Variants in LSS observed in about 807,000 individuals in gnomAD.
LSS encodes the protein 2,3-epoxysqualene-lanosterol cyclase.
LSS carries 90 observed loss-of-function variants against 110.3 expected under a neutral mutation model. The ratio of observed to expected loss-of-function variants is 0.82; its 90% CI spans 0.69 to 0.97. LSS has a LOEUF of 0.97. Ranked by LOEUF, LSS falls within the 50% of genes least tolerant of loss-of-function variation. The pLI is 0.00. For missense variants in LSS, 927 were observed against 990.0 expected, an observed-to-expected ratio of 0.94 and a Z score of 0.85; for synonymous variants, 433 against 400.0, an observed-to-expected ratio of 1.08 and a Z score of -0.98.
intron 15 of LSS, 91 bp from the exon 16 acceptor site, chr21:46,206,859 A>G (rs904945747): frequency 2.2e-6 from 2 of 920,610 alleles, no homozygotes. Context: ...AGGCAACACT[A>G]GGGCTGACAA....
intron 8 of LSS, 147 bp downstream of exon 8, chr21:46,215,538 G>A: frequency 1.6e-6 from 1 of 635,714 alleles, no homozygotes; most frequent in South Asian, 1.9e-5. Flanking sequence ...TCAGGGTGGA[G>A]GGGCAGGGCG....
Position 46,219,503 on chromosome 21 carries a change from C to G in LSS, c.620G>C (p.Gly207Ala), listed in dbSNP as rs149486257. Residue 207 changes from glycine (G) to alanine (A), a missense_variant, in exon 6 of 22, where the codon GGC becomes GCC. Gly to Ala is a moderately conservative substitution (Grantham distance 60). Coordinates refer to ENST00000397728, the MANE Select transcript of LSS (RefSeq NM_002340.6). ...LAVLNVYSWE[G>A]LNTLFPEMWL... ...CATCTCTGGGAACAGGGTATTGAGGCCTTCCCAGCTGTAAACATTCAGGAC... is the reference window on the plus strand; with the variant it reads ...CATCTCTGGGAACAGGGTATTGAGGGCTTCCCAGCTGTAAACATTCAGGAC... 1,055 of 1,601,772 alleles carry G rather than the reference C, an allele frequency of 6.6e-4. No individual in the cohort carries two copies. The highest frequency in any genetic ancestry group is 8.2e-4 in the Non-Finnish European group (966 of 1,174,220).
intron 1 of LSS, 38 bp downstream of exon 1, chr21:46,228,693 AC>A (rs1413567669): frequency 1.2e-6 from 2 of 1,601,602 alleles, no homozygotes; most frequent in Non-Finnish European, 1.7e-6. Flanking sequence ...ACCTAGGACC[AC>A]CCCGCATTCG....
rs1601404715 is a variant in LSS, at chr21:46,189,970, G to A, written c.*1134C>T. ...GCAAGCCAGACCAGACTGGGTCAGA[G>A]GCTAGAAGGGAGCTCACAGGATTGC... On this transcript the variant is annotated 3_prime_UTR_variant, in exon 22 of 22. Transcript: ENST00000397728. 1 of 317,140 alleles carries A rather than the reference G, an allele frequency of 3.2e-6. No individual in the cohort carries two copies. Among genetic ancestry groups the A allele is most frequent in the East Asian group, 1.1e-4 (1 of 9,476 alleles). 19.6% of individuals were successfully genotyped at this position (317,140 alleles called of 1,614,324 possible).
intron 5 of LSS, among the ~76,000 whole-genome samples, chr21:46,221,480 C>T (rs2080278757): frequency 6.6e-6 from 1 of 152,124 alleles, no homozygotes; most frequent in Non-Finnish European, 1.5e-5. Flanking sequence ...TTACTAGCCT[C>T]CAAGTAGCTG....
intron 5 of LSS, chr21:46,220,412 T>TA (rs1474393352): frequency 6.6e-6 from 1 of 151,944 alleles, no homozygotes; most frequent in African/African-American, 2.4e-5. Flanking sequence ...CCTGGCACGG[T>TA]AGGTCAGGAA....
Position 46,196,249 on chromosome 21 carries a change from G to T in LSS, c.1689C>A (p.Gly563=). ...AAEIRETLTQ[G]LEFCRRQQRA... ...TCTGCTGCCGCCGACAGAACTCTAAGCCCTGCGTGAGGGTCTCCCTGGAAC... is the reference window on the plus strand; with the variant it reads ...TCTGCTGCCGCCGACAGAACTCTAATCCCTGCGTGAGGGTCTCCCTGGAAC... The change falls in exon 18 of 22, where the codon GGC becomes GGA. Residue 563 remains glycine (G), a synonymous_variant. Transcript: ENST00000397728. The T allele has an allele frequency of 6.2e-7, 1 of 1,614,164 alleles. No homozygotes were observed. Among genetic ancestry groups the T allele is most frequent in the African/African-American group, 1.3e-5 (1 of 75,064 alleles).
Position 46,206,581 on chromosome 21 carries a change from G to A in LSS, c.1564+91C>T, listed in dbSNP as rs548723790. The A allele has an allele frequency of 1.1e-4, 124 of 1,120,698 alleles. No homozygotes were observed. In the African/African-American group the frequency reaches 1.4e-3, roughly 13 times the overall value. The allele number at this position is 1,120,698 out of a possible 1,614,324, so 69.4% of individuals were successfully genotyped here. A position where few individuals can be genotyped will look rare whatever the true frequency, so the allele number is the denominator to read the frequency against. ...GGTGAACCTGGGCCCTTGCAGCCTC[G>A]GGCAAGGGGGAAAAGCTGGCCCCCA... On this transcript the variant is annotated intron_variant, in intron 16 of 21. Transcript: ENST00000397728.
intron 17 of LSS, among the ~76,000 whole-genome samples, chr21:46,201,573 G>A (rs886473562): frequency 2.7e-4 from 41 of 151,830 alleles, no homozygotes; most frequent in Non-Finnish European, 5.4e-4. Flanking sequence ...CCTGGATCAT[G>A]TGGGAGGACA....
At chr21:46,220,600 G>C in intron 5 of LSS, 1 of 157,286 alleles carries the variant, frequency 6.4e-6, no homozygotes. Context: ...ACTGGCTACG[G>C]AAGGTCTGTG....
Position 46,205,918 on chromosome 21 carries a change from AG to A in LSS, c.1587del (p.Tyr530MetfsTer8). The A allele has an allele frequency of 6.2e-7, 1 of 1,610,138 alleles. No individual in the cohort carries two copies. The highest frequency in any genetic ancestry group is 8.5e-7 in the Non-Finnish European group (1 of 1,178,328). On this transcript the variant is annotated frameshift_variant, in exon 17 of 22. Coordinates refer to ENST00000397728, the MANE Select transcript of LSS (RefSeq NM_002340.6). LOFTEE classifies it high-confidence loss of function. Reference sequence around the variant, plus strand: ...ATCACGGCTGAGGTGCACTCCACATAGGTGTAGTCAATCATGATGTCCCCTG... The same window carrying A: ...ATCACGGCTGAGGTGCACTCCACATAGTGTAGTCAATCATGATGTCCCCTG... ...EVFGDIMIDY[T>X]YVECTSAVMQ...
intron 17 of LSS, 104 bp from the exon 18 acceptor site, chr21:46,196,371 T>TAAAAACCACATA (rs1173807036): frequency 1.3e-5 from 12 of 916,274 alleles, no homozygotes; most frequent in Non-Finnish European, 1.8e-5. Context: ...TGGTCTCCCT[T>TAAAAACCACATA]AAAAACCACA....
At chr21:46,223,642 G>A (rs192522588) in intron 3 of LSS, among the ~76,000 whole-genome samples, 71 of 152,332 alleles carry the variant, frequency 4.7e-4, no homozygotes, top group African/African-American at 1.7e-3. Flanking sequence ...TCATTAGTTT[G>A]TAGTAATTAC....
chr21:46,202,480 C>T (rs2079992339), intron 17 of LSS, among the ~76,000 whole-genome samples: 1 of 151,790 alleles, frequency 6.6e-6, no homozygotes, highest in South Asian at 2.1e-4. Context: ...AACTTATGTT[C>T]ATACTCCCTA....
rs751723086 is a variant in LSS, at chr21:46,228,765, G to C, written c.-20C>G. 1 of 1,579,870 alleles carries C rather than the reference G, an allele frequency of 6.3e-7. No individual in the cohort carries two copies. Among genetic ancestry groups the C allele is most frequent in the Non-Finnish European group, 8.5e-7 (1 of 1,170,114 alleles). ...CGTCATTGCTGCTGCAGTGCTCTAC[G>C]CCGCCCACTGCCAGCTGCCAGATGT... is the stretch of plus-strand genomic sequence containing the variant. On this transcript the variant is annotated 5_prime_UTR_variant, in exon 1 of 22. Transcript: ENST00000397728.
chr21:46,226,207 C>A (rs1210178350), intron 3 of LSS, among the ~76,000 whole-genome samples: 3 of 152,062 alleles, frequency 2.0e-5, no homozygotes, highest in Non-Finnish European at 4.4e-5. Flanking sequence ...GCCAGCTAAG[C>A]CCAGAGCCAA....
rs1373555444 is a variant in LSS, at chr21:46,209,311, G to A, written c.1266+243C>T. On this transcript the variant is annotated intron_variant, in intron 13 of 21. Coordinates refer to ENST00000397728, the MANE Select transcript of LSS (RefSeq NM_002340.6). This position sits in a 1 kb window ranked among gnomAD's most constrained non-coding sequence, Gnocchi z 4.4. Reference sequence around the variant, plus strand: ...ACAGTGGCTCCAACATGAGCAGGACGCAGAAACTGCCAGCACCCCCAGCAC... The same window carrying A: ...ACAGTGGCTCCAACATGAGCAGGACACAGAAACTGCCAGCACCCCCAGCAC... Among the ~76,000 whole-genome samples the A allele has an allele frequency of 3.3e-5, 5 of 152,086 alleles. No homozygotes were observed. Among genetic ancestry groups the A allele is most frequent in the Non-Finnish European group, 5.9e-5 (4 of 68,010 alleles).
At chr21:46,223,296 G>A (rs117344051) in intron 3 of LSS, among the ~76,000 whole-genome samples, 107 of 152,238 alleles carry the variant, frequency 7.0e-4, no homozygotes, top group Middle Eastern at 3.4e-3. Context: ...AGAACCTTCC[G>A]TCCCCAGCCT....
chr21:46,192,048 C>G (rs1490269953), intron 20 of LSS, 89 bp from the exon 21 acceptor site: 2 of 995,378 alleles, frequency 2.0e-6, no homozygotes, highest in African/African-American at 3.2e-5. Context: ...AAGGGCAAAC[C>G]CTGGAATGCT....
Sources: allele counts gnomAD v4.1 joint callset (sites outside exome capture counted in the v4.1 genomes callset), GRCh38; gene constraint gnomAD v4.1.1; non-coding constraint Gnocchi (gnomAD v3.1); transcripts MANE v1.5; gene names NCBI Gene and HGNC (gene_info 2026-07-23, HGNC 2026-07-21).